Variants in RFWD3 observed in about 807,000 individuals in gnomAD.
RFWD3 encodes the protein ring finger and WD repeat domain 3, also known as E3 ubiquitin-protein ligase RFWD3.
A neutral mutation model predicts 87.7 loss-of-function variants in RFWD3; 65 were observed. The observed-to-expected ratio is 0.74, with a 90% CI of 0.61 to 0.91. RFWD3 has a LOEUF of 0.91. RFWD3 is among the 40% of genes least tolerant of loss of function. The pLI, the probability that RFWD3 is intolerant of heterozygous loss-of-function variation, is 0.00. For synonymous variants in RFWD3, 433 were observed against 352.8 expected (o/e 1.23, Z -2.55); for missense variants, 1,078 against 938.5 (o/e 1.15, Z -1.94).
chr16:74,641,841 G>C (rs1959673594), intron 6 of RFWD3, among the ~76,000 whole-genome samples: 1 of 134,704 alleles, frequency 7.4e-6, no homozygotes. Flanking sequence ...CAGGAGAATT[G>C]CTTGAACCTG....
At chr16:74,643,347 A>G (rs1643008948) in intron 6 of RFWD3, among the ~76,000 whole-genome samples, 2 of 152,204 alleles carry the variant, frequency 1.3e-5, no homozygotes, top group African/African-American at 4.8e-5. Flanking sequence ...CAACATATGC[A>G]CATTTCAACA....
At chr16:74,626,673 C>A (rs749389485) in intron 11 of RFWD3, 119 bp from the exon 12 acceptor site, 3 of 687,450 alleles carry the variant, frequency 4.4e-6, no homozygotes, top group Non-Finnish European at 7.5e-6. Context: ...TGCATTAAAC[C>A]ATCAAGAACA....
chr16:74,629,030 CAAAAT>C (rs1310921679), intron 10 of RFWD3, among the ~76,000 whole-genome samples: 2 of 152,100 alleles, frequency 1.3e-5, no homozygotes, highest in African/African-American at 4.8e-5. Context: ...ATATACATAA[CAAAAT>C]AAAGATCCCA....
At chr16:74,659,502 C>A (rs1161078021) in intron 2 of RFWD3, among the ~76,000 whole-genome samples, 1 of 151,964 alleles carries the variant, frequency 6.6e-6, no homozygotes, top group Admixed American at 6.6e-5. Flanking sequence ...GGCTGAGGCA[C>A]AAGAATCGCT....
chr16:74,645,745 CTTTTTTTTTTT>C (rs71376293), intron 4 of RFWD3, among the ~76,000 whole-genome samples: 4 of 74,212 alleles, frequency 5.4e-5, no homozygotes, highest in South Asian at 6.2e-4. Flanking sequence ...CAAATATTTT[CTTTTTTTTTTT>C]TTTTTTTTTT....
At chr16:74,644,797 G>T in intron 4 of RFWD3, 62 bp from the exon 5 acceptor site, 6 of 1,501,682 alleles carry the variant, frequency 4.0e-6, no homozygotes, top group Non-Finnish European at 5.4e-6. Context: ...TGAAGAAGAT[G>T]TGCAACTAAG....
chr16:74,644,764 T>C (rs571233549), intron 4 of RFWD3, 29 bp from the exon 5 acceptor site: 2 of 1,567,062 alleles, frequency 1.3e-6, no homozygotes, highest in Non-Finnish European at 1.7e-6. Flanking sequence ...ATATTCAAAT[T>C]AGAGAAAATG....
chr16:74,666,874 T>C lies in RFWD3; in HGVS notation c.-91A>G, dbSNP rs901493606. Reference sequence around the variant, plus strand: ...GCACTCCGAATGCACCTACGCCAACTGCCACTTCCGGAGCCGCTCAAGCTC... The same window carrying C: ...GCACTCCGAATGCACCTACGCCAACCGCCACTTCCGGAGCCGCTCAAGCTC... On this transcript the variant is annotated 5_prime_UTR_variant, in exon 1 of 13. Coordinates refer to ENST00000361070, the MANE Select transcript of RFWD3 (RefSeq NM_018124.4). 4.8e-4 allele frequency: 28 copies of C among 58,704 alleles called. No homozygotes were observed. The highest frequency in any genetic ancestry group is 2.3e-3 in the African/African-American group (27 of 11,680). The allele number at this position is 58,704 out of a possible 1,614,324, so 3.6% of individuals were successfully genotyped here. A position where few individuals can be genotyped will look rare whatever the true frequency, so the allele number is the denominator to read the frequency against.
chr16:74,637,537 G>A (rs1959247464), intron 7 of RFWD3, among the ~76,000 whole-genome samples: 1 of 152,114 alleles, frequency 6.6e-6, no homozygotes, highest in Admixed American at 6.6e-5. Flanking sequence ...TGAGGCTGAG[G>A]CAGGAGAACC....
intron 9 of RFWD3, among the ~76,000 whole-genome samples, chr16:74,631,902 GA>G (rs1959107906): frequency 6.6e-6 from 1 of 152,110 alleles, no homozygotes; most frequent in African/African-American, 2.4e-5. Context: ...TTACAGGCGT[GA>G]GCCACCACGC....
rs1026167680 is a variant in RFWD3 at position 74,628,606 on chromosome 16, A to G, written c.1815T>C (p.Gly605=). The G allele has an allele frequency of 6.2e-7, 1 of 1,613,940 alleles. No homozygotes were observed. Among genetic ancestry groups the G allele is most frequent in the African/African-American group, 1.3e-5 (1 of 74,878 alleles). The change falls in exon 11 of 13, where the codon GGT becomes GGC. Residue 605 remains glycine, a synonymous_variant. Coordinates refer to ENST00000361070, the MANE Select transcript of RFWD3 (RefSeq NM_018124.4). ...PRAASAAFPY[G]GVLAGTLEDA... ...CCTCCAAGGTTCCAGCCAGCACCCC[A>G]CCATATGGAAATGCAGCTGAGGCAG...
chr16:74,649,186 G>A lies in RFWD3; in HGVS notation c.738C>T (p.Val246=), dbSNP rs1314464022. Residue 246 remains valine (V), a synonymous_variant, in exon 4 of 13, where the codon GTC becomes GTT. Coordinates refer to ENST00000361070, the MANE Select transcript of RFWD3 (RefSeq NM_018124.4). ...TACATGTAACTTCTTGCTCTGCTGAGACACCTGCTAGTTGCTCTGCCAAGT... is the reference window on the plus strand; with the variant it reads ...TACATGTAACTTCTTGCTCTGCTGAAACACCTGCTAGTTGCTCTGCCAAGT... ...AVILEEQLAG[V]SAEQEVTCID... The A allele has an allele frequency of 6.4e-7, 1 of 1,564,278 alleles. No homozygotes were observed. Among genetic ancestry groups the A allele is most frequent in the South Asian group, 1.2e-5 (1 of 82,998 alleles).
chr16:74,666,728 G>A (rs1296781408), intron 1 of RFWD3, 58 bp downstream of exon 1: 1 of 123,048 alleles, frequency 8.1e-6, no homozygotes, highest in Non-Finnish European at 1.7e-5. Context: ...CAGGCGTGGG[G>A]AGGTTTATCC....
intron 12 of RFWD3, 100 bp from the exon 13 acceptor site, chr16:74,624,171 C>A (rs995800846): frequency 1.4e-6 from 2 of 1,391,284 alleles, no homozygotes; most frequent in Non-Finnish European, 1.9e-6. Flanking sequence ...GCAGAGAGAA[C>A]ACTACCTGGA....
In RFWD3 at chr16:74,652,019, A is replaced by G; in HGVS notation, c.622T>C (p.Leu208=). ...GAATCAGAACTACTAGACACCTGCAACTCTTCAGATACAGGATTCCTAGTC... is the reference window on the plus strand; with the variant it reads ...GAATCAGAACTACTAGACACCTGCAGCTCTTCAGATACAGGATTCCTAGTC... ...SETRNPVSEE[L]QVSSSSDSDS... The change falls in exon 3 of 13, where the codon TTG becomes CTG. Residue 208 remains leucine (L), a synonymous_variant. Coordinates refer to ENST00000361070, the MANE Select transcript of RFWD3 (RefSeq NM_018124.4). 1 of 1,613,934 alleles carries G rather than the reference A, an allele frequency of 6.2e-7. No individual in the cohort carries two copies. The highest frequency in any genetic ancestry group is 8.5e-7 in the Non-Finnish European group (1 of 1,179,980).
chr16:74,647,230 T>G (rs1319346708), intron 4 of RFWD3, among the ~76,000 whole-genome samples: 1 of 152,100 alleles, frequency 6.6e-6, no homozygotes, highest in Non-Finnish European at 1.5e-5. Context: ...GTTTTGACAT[T>G]GGAAGAATTC....
intron 2 of RFWD3, among the ~76,000 whole-genome samples, chr16:74,659,360 A>AT (rs1961249687): frequency 1.3e-5 from 2 of 152,182 alleles, no homozygotes; most frequent in Non-Finnish European, 2.9e-5. Context: ...AAATTACACC[A>AT]TAAGGTGCCT....
At chr16:74,652,878 A>C (rs1029441017) in intron 2 of RFWD3, among the ~76,000 whole-genome samples, 1 of 152,206 alleles carries the variant, frequency 6.6e-6, no homozygotes, top group African/African-American at 2.4e-5. Context: ...ACAGGGTCTT[A>C]CAATGTTGGC....
chr16:74,666,119 A>T (rs1157305944), intron 1 of RFWD3, among the ~76,000 whole-genome samples: 1 of 152,038 alleles, frequency 6.6e-6, no homozygotes, highest in Non-Finnish European at 1.5e-5. Context: ...GAAAGAAGGA[A>T]ATTAAATCCC....
Sources: gnomAD v4.1 joint callset for allele counts (sites outside exome capture counted in the v4.1 genomes callset) on GRCh38, gnomAD v4.1.1 for gene constraint, MANE v1.5 for transcripts, NCBI Gene and HGNC (gene_info 2026-07-23, HGNC 2026-07-21) for gene names.